Variants in NPR2 observed in about 807,000 individuals in gnomAD.
The protein encoded by NPR2 is atrial natriuretic peptide receptor 2.
Under a neutral mutation model 120.7 loss-of-function variants are expected in NPR2, and 49 were observed. The ratio of observed to expected loss-of-function variants is 0.41; its 90% CI spans 0.32 to 0.52. The LOEUF is 0.52. Ranked by LOEUF, NPR2 falls within the 20% of genes least tolerant of loss-of-function variation. The pLI is 0.36. For synonymous variants in NPR2, 484 were observed against 519.8 expected (o/e 0.93, Z 0.94); for missense variants, 931 against 1,362.9 (o/e 0.68, Z 4.99).
Position 35,802,293 on chromosome 9 carries a change from AGAGGATGGACTCTAACATGTATGTAATG to A in NPR2, c.1710+16_1710+43del. On this transcript the variant is annotated intron_variant, in intron 10 of 21. Coordinates refer to ENST00000342694, the MANE Select transcript of NPR2 (RefSeq NM_003995.4). The surrounding 1 kb of genome is among the most constrained non-coding windows in gnomAD (Gnocchi z 4.2). Reference sequence around the variant, plus strand: ...GTTTGAACTCAAACATGTATGTAACAGAGGATGGACTCTAACATGTATGTAATGGAGGAGTGGGGAAAACTATGAAATA... The same window carrying A: ...GTTTGAACTCAAACATGTATGTAACAGAGGAGTGGGGAAAACTATGAAATA... 1 of 1,509,748 alleles carries A rather than the reference AGAGGATGGACTCTAACATGTATGTAATG, an allele frequency of 6.6e-7. No homozygotes were observed. The highest frequency in any genetic ancestry group is 9.2e-7 in the Non-Finnish European group (1 of 1,086,402). The allele number at this position is 1,509,748 out of a possible 1,614,324, so 93.5% of individuals were successfully genotyped here.
In NPR2 at chr9:35,801,722, C is replaced by A; in HGVS notation, c.1516C>A (p.Arg506Ser). ...AGAACTGCAGTTTGGCAACTCAGAG[C>A]GTTATCACAAAGGTGCAGGCAGTCG... The part of the protein sequence containing the change: ...WEELQFGNSE[R>S]YHKGAGSRLT... Residue 506 changes from arginine to serine, a missense_variant, in exon 8 of 22, where the codon CGT becomes AGT. Coordinates refer to ENST00000342694, the MANE Select transcript of NPR2 (RefSeq NM_003995.4). 1.9e-6 allele frequency: 3 copies of A among 1,614,158 alleles called. No homozygotes were observed. The highest frequency in any genetic ancestry group is 1.3e-5 in the African/African-American group (1 of 75,024).
Position 35,806,149 on chromosome 9 carries a change from T to C in NPR2, c.2288T>C (p.Leu763Ser). The change falls in exon 15 of 22, where the codon TTG (leucine) becomes TCG (serine). Residue 763 changes from leucine (L) to serine (S), a missense_variant. Leu to Ser is a moderately radical substitution (Grantham distance 145). Transcript: ENST00000342694. The surrounding 1 kb of genome is among the most constrained non-coding windows in gnomAD (Gnocchi z 4.6). ...DRTQLNEELV[L>S]LMERCWAQDP... ...ACCCAACTGAATGAAGAGCTAGTTT[T>C]GCTGATGGAGCGATGTTGGGCTCAG... 6.2e-7 allele frequency: 1 copy of C among 1,614,258 alleles called. No homozygotes were observed. Among genetic ancestry groups the C allele is most frequent in the South Asian group, 1.1e-5 (1 of 91,086 alleles).
rs1828579938 is a variant in NPR2 at position 35,808,860 on chromosome 9, C to G, written c.2986+7C>G. ...ATGGAGTCTAATGGTCAAGGTAAGA[C>G]ATTAGCCCTCAACCCCACTGTTGGC... On this transcript the variant is annotated splice_region_variant and intron_variant, in intron 20 of 21. Transcript: ENST00000342694. This position sits in a 1 kb window ranked among gnomAD's most constrained non-coding sequence, Gnocchi z 4.0. 1.3e-6 allele frequency: 2 copies of G among 1,510,228 alleles called. No homozygotes were observed. Among genetic ancestry groups the G allele is most frequent in the Non-Finnish European group, 1.8e-6 (2 of 1,085,238 alleles). 93.6% of individuals were successfully genotyped at this position (1,510,228 alleles called of 1,614,324 possible). A position where few individuals can be genotyped will look rare whatever the true frequency, so the allele number is the denominator to read the frequency against.
In NPR2 at chr9:35,805,434, C is replaced by A; in HGVS notation, c.1888-77C>A. On this transcript the variant is annotated intron_variant, in intron 12 of 21. Coordinates refer to ENST00000342694, the MANE Select transcript of NPR2 (RefSeq NM_003995.4). The surrounding 1 kb of genome is among the most constrained non-coding windows in gnomAD (Gnocchi z 4.9). ...GGACCCAAGATCTGTAGACAGCTAG[C>A]CAGTGCCCATCTCATGGAGAGAGGG... 1.4e-6 allele frequency: 2 copies of A among 1,411,376 alleles called. No individual in the cohort carries two copies. Among genetic ancestry groups the A allele is most frequent in the Middle Eastern group, 1.8e-4 (1 of 5,468 alleles). 87.4% of individuals were successfully genotyped at this position (1,411,376 alleles called of 1,614,324 possible). A position where few individuals can be genotyped will look rare whatever the true frequency, so the allele number is the denominator to read the frequency against.
chr9:35,801,123 A>G lies in NPR2; in HGVS notation c.1405A>G (p.Met469Val), dbSNP rs769679194. The stretch of plus-strand genomic sequence containing the variant: ...TCTGGGCACAGGAATCACCTTCATC[A>G]TGTTTGGTGTTTCCAGCTTCCTAAT... ...VALGTGITFI[M>V]FGVSSFLIFR... is the part of the protein sequence containing the mutation. The change falls in exon 7 of 22, where the codon ATG becomes GTG. Residue 469 changes from methionine to valine, a missense_variant. Met to Val is a conservative substitution (Grantham distance 21, BLOSUM62 1). Around this residue, in one of 3 missense-constraint regions of NPR2, gnomAD observed 681 missense variants for 974.3 expected, o/e 0.70. Coordinates refer to ENST00000342694, the MANE Select transcript of NPR2 (RefSeq NM_003995.4). The G allele has an allele frequency of 1.2e-6, 2 of 1,613,926 alleles. No homozygotes were observed. Among genetic ancestry groups the G allele is most frequent in the East Asian group, 2.2e-5 (1 of 44,874 alleles).
In NPR2 at chr9:35,808,636, G is replaced by C. The variant is rs145008570; in HGVS notation, c.2840G>C (p.Arg947Pro). The change falls in exon 19 of 22, where the codon CGC becomes CCC. Residue 947 changes from arginine (R) to proline (P), a missense_variant. Physicochemically the swap from Arg to Pro is moderately radical, Grantham distance 103. This residue lies in a region of NPR2 where 184 missense variants were observed against 328.3 expected (regional missense o/e 0.56). Transcript: ENST00000342694. This position sits in a 1 kb window ranked among gnomAD's most constrained non-coding sequence, Gnocchi z 4.0. ...LLDAVSSFRI[R>P]HRPHDQLRLR... ...GATGCAGTTTCTTCCTTTCGCATCC[G>C]CCACCGACCCCATGACCAGCTGAGG... 1 of 1,613,886 alleles carries C rather than the reference G, an allele frequency of 6.2e-7. No individual in the cohort carries two copies. The highest frequency in any genetic ancestry group is 2.2e-5 in the East Asian group (1 of 44,874).
rs142436207 is a variant in NPR2, at chr9:35,792,966, C to T, written c.558C>T (p.Gly186=). ...GGCCTCACTACTTCACCATCGAGGG[C>T]GTCTTTGAGGCCCTGCAGGGCAGCA... ...DDRPHYFTIE[G]VFEALQGSNL... Residue 186 remains glycine (G), a synonymous_variant, in exon 1 of 22, where the codon GGC becomes GGT. Transcript: ENST00000342694. The T allele has an allele frequency of 7.4e-6, 12 of 1,613,740 alleles. No individual in the cohort carries two copies. Among genetic ancestry groups the T allele is most frequent in the Non-Finnish European group, 1.0e-5 (12 of 1,180,014 alleles).
Position 35,808,520 on chromosome 9 carries a change from T to C in NPR2, c.2724T>C (p.Ile908=). Residue 908 remains isoleucine, a synonymous_variant, in exon 19 of 22, where the codon ATT becomes ATC. Coordinates refer to ENST00000342694, the MANE Select transcript of NPR2 (RefSeq NM_003995.4). This position sits in a 1 kb window ranked among gnomAD's most constrained non-coding sequence, Gnocchi z 4.0. ...DNFDVYKVET[I]GDAYMVVSGL... ...CCCCTCTCAATCAGGTGGAGACGAT[T>C]GGGGATGCTTACATGGTGGTATCTG... The C allele has an allele frequency of 6.2e-7, 1 of 1,614,070 alleles. No individual in the cohort carries two copies. The highest frequency in any genetic ancestry group is 8.5e-7 in the Non-Finnish European group (1 of 1,180,030).
Position 35,802,840 on chromosome 9 carries a change from T to C in NPR2, c.1887+37T>C. ...CCACTCCTTAAAAGTTCATCCACTT[T>C]AAATCACTTCCACTGTTCTTTGATT... On this transcript the variant is annotated intron_variant, in intron 12 of 21. Coordinates refer to ENST00000342694, the MANE Select transcript of NPR2 (RefSeq NM_003995.4). This position sits in a 1 kb window ranked among gnomAD's most constrained non-coding sequence, Gnocchi z 4.2. 7.5e-7 allele frequency: 1 copy of C among 1,333,250 alleles called. No individual in the cohort carries two copies. Among genetic ancestry groups the C allele is most frequent in the Non-Finnish European group, 1.1e-6 (1 of 924,920 alleles). 82.6% of individuals were successfully genotyped at this position (1,333,250 alleles called of 1,614,324 possible). A position where few individuals can be genotyped will look rare whatever the true frequency, so the allele number is the denominator to read the frequency against.
At chr9:35,801,868 A>G (rs1828178524) in intron 8 of NPR2, 58 bp from the exon 9 acceptor site, 1 of 1,602,618 alleles carries the variant, frequency 6.2e-7, no homozygotes, top group African/African-American at 1.3e-5. Flanking sequence ...CCCCTGCACT[A>G]CCACCATCAT....
At position 35,792,641 on chromosome 9, in the gene NPR2, A is replaced by G; in HGVS notation, c.233A>G (p.Tyr78Cys). The G allele has an allele frequency of 6.2e-7, 1 of 1,613,974 alleles. No individual in the cohort carries two copies. The highest frequency in any genetic ancestry group is 1.1e-5 in the South Asian group (1 of 91,084). ...SSELEGACSEYLAPLSAVDLK... is the reference protein window; with the variant it reads ...SSELEGACSECLAPLSAVDLK... ...GAACTGGAAGGCGCCTGCTCTGAGT[A>G]CCTGGCACCGCTGAGCGCTGTGGAC... Residue 78 changes from tyrosine to cysteine, a missense_variant, in exon 1 of 22, where the codon TAC becomes TGC. This residue lies in a region of NPR2 where 681 missense variants were observed against 974.3 expected (regional missense o/e 0.70). Coordinates refer to ENST00000342694, the MANE Select transcript of NPR2 (RefSeq NM_003995.4).
chr9:35,806,503 C>T lies in NPR2; in HGVS notation c.2484C>T (p.Arg828=), dbSNP rs752769758. ...CACAGGCCTATCTGGAGGAAAAACG[C>T]AAGGCTGAAGCTCTGCTCTACCAAA... is the stretch of plus-strand genomic sequence containing the variant. ...ERTQAYLEEK[R]KAEALLYQIL... Residue 828 remains arginine (R), a synonymous_variant, in exon 16 of 22, where the codon CGC becomes CGT. Transcript: ENST00000342694. This position sits in a 1 kb window ranked among gnomAD's most constrained non-coding sequence, Gnocchi z 4.6. 1.2e-6 allele frequency: 2 copies of T among 1,614,096 alleles called. No homozygotes were observed. The highest frequency in any genetic ancestry group is 1.7e-6 in the Non-Finnish European group (2 of 1,180,034).
At position 35,792,786 on chromosome 9, in the gene NPR2, C is replaced by T; in HGVS notation, c.378C>T (p.Ala126=). The change falls in exon 1 of 22, where the codon GCC becomes GCT. Residue 126 remains alanine (A), a synonymous_variant. Coordinates refer to ENST00000342694, the MANE Select transcript of NPR2 (RefSeq NM_003995.4). ...CCCTGCTGACTGCGGGTGCTGTGGC[C>T]TCTGGTTTTTCGGCTAAGAATGACC... ...RLPLLTAGAV[A]SGFSAKNDHY... 6.2e-7 allele frequency: 1 copy of T among 1,614,180 alleles called. No homozygotes were observed.
In NPR2 at chr9:35,809,014, C is replaced by A. The variant is rs1225018555; in HGVS notation, c.2987-142C>A. ...AATAGATATGCATTGGGAGGTTGGG[C>A]ATATTTTGGTCCTAATAGATATGCA... is the stretch of plus-strand genomic sequence containing the variant. On this transcript the variant is annotated intron_variant, in intron 20 of 21. Transcript: ENST00000342694. This position sits in a 1 kb window ranked among gnomAD's most constrained non-coding sequence, Gnocchi z 4.1. 3 of 976,368 alleles carry A rather than the reference C, an allele frequency of 3.1e-6. No homozygotes were observed. Among genetic ancestry groups the A allele is most frequent in the African/African-American group, 3.2e-5 (2 of 62,680 alleles). 60.5% of individuals were successfully genotyped at this position (976,368 alleles called of 1,614,324 possible). A position where few individuals can be genotyped will look rare whatever the true frequency, so the allele number is the denominator to read the frequency against.
At position 35,808,211 on chromosome 9, in the gene NPR2, T is replaced by C. The variant is rs777837984; in HGVS notation, c.2713-298T>C. ...TCCTCTTGAGTTACCGTTTTCTTGC[T>C]TCCCATTTCCTGATGGCAGAGCCTA... is the stretch of plus-strand genomic sequence containing the variant. On this transcript the variant is annotated intron_variant, in intron 18 of 21. Coordinates refer to ENST00000342694, the MANE Select transcript of NPR2 (RefSeq NM_003995.4). The surrounding 1 kb of genome is among the most constrained non-coding windows in gnomAD (Gnocchi z 4.0). 8.1e-6 allele frequency: 13 copies of C among 1,614,092 alleles called. No individual in the cohort carries two copies. The highest frequency in any genetic ancestry group is 1.1e-5 in the South Asian group (1 of 91,088).
chr9:35,800,684 G>GCCTGTGA lies in NPR2; in HGVS notation c.1219-25_1219-24insCCTGTGA. The GCCTGTGA allele has an allele frequency of 1.2e-6, 2 of 1,614,034 alleles. No homozygotes were observed. Among genetic ancestry groups the GCCTGTGA allele is most frequent in the Middle Eastern group, 1.7e-4 (1 of 6,018 alleles). On this transcript the variant is annotated intron_variant, in intron 5 of 21. Coordinates refer to ENST00000342694, the MANE Select transcript of NPR2 (RefSeq NM_003995.4). This position sits in a 1 kb window ranked among gnomAD's most constrained non-coding sequence, Gnocchi z 4.7. ...GGAGGCTGGTGGGAGCAGGCCTGTG[G>GCCTGTGA]GCCCAGCTTTTTGCTTCCTTACAGC...
Position 35,802,816 on chromosome 9 carries a change from C to T in NPR2, c.1887+13C>T. ...TGACCTTGTTAAGGTGAGTCTTCCC[C>T]ACTCCTTAAAAGTTCATCCACTTTA... On this transcript the variant is annotated intron_variant, in intron 12 of 21. Transcript: ENST00000342694. This position sits in a 1 kb window ranked among gnomAD's most constrained non-coding sequence, Gnocchi z 4.2. The T allele has an allele frequency of 1.3e-6, 2 of 1,567,962 alleles. No individual in the cohort carries two copies. Among genetic ancestry groups the T allele is most frequent in the Non-Finnish European group, 8.8e-7 (1 of 1,138,376 alleles).
In NPR2 at chr9:35,806,656, G is replaced by A. The variant is rs1828400088; in HGVS notation, c.2519+118G>A. On this transcript the variant is annotated intron_variant, in intron 16 of 21. Coordinates refer to ENST00000342694, the MANE Select transcript of NPR2 (RefSeq NM_003995.4). This position sits in a 1 kb window ranked among gnomAD's most constrained non-coding sequence, Gnocchi z 4.6. ...CTCAGAACCCTGCTGGCCACAGGGA[G>A]CACCCCTGCTTATAGATTATTTGCT... 9.2e-7 allele frequency: 1 copy of A among 1,081,512 alleles called. No individual in the cohort carries two copies. Among genetic ancestry groups the A allele is most frequent in the South Asian group, 1.3e-5 (1 of 78,658 alleles). 67.0% of individuals were successfully genotyped at this position (1,081,512 alleles called of 1,614,324 possible). A position where few individuals can be genotyped will look rare whatever the true frequency, so the allele number is the denominator to read the frequency against.
Position 35,802,644 on chromosome 9 carries a change from G to A in NPR2, c.1815+37G>A, listed in dbSNP as rs1563988900. On this transcript the variant is annotated intron_variant, in intron 11 of 21. Coordinates refer to ENST00000342694, the MANE Select transcript of NPR2 (RefSeq NM_003995.4). The surrounding 1 kb of genome is among the most constrained non-coding windows in gnomAD (Gnocchi z 4.2). The stretch of plus-strand genomic sequence containing the variant: ...GTGTAGGAGATTATGGCAGGGGTGG[G>A]AAGGATAGACCCAAAGTTATACTGA... The A allele has an allele frequency of 6.7e-7, 1 of 1,491,894 alleles. No individual in the cohort carries two copies. The highest frequency in any genetic ancestry group is 1.7e-5 in the Admixed American group (1 of 59,874). The allele number at this position is 1,491,894 out of a possible 1,614,324, so 92.4% of individuals were successfully genotyped here.
Sources: gnomAD v4.1 joint callset for allele counts on GRCh38, gnomAD v4.1.1 for gene constraint, gnomAD v4.1.1 regional missense constraint, Gnocchi (gnomAD v3.1) non-coding constraint, MANE v1.5 for transcripts, NCBI Gene and HGNC (gene_info 2026-07-23, HGNC 2026-07-21) for gene names.